Variants in SSTR3 observed in about 807,000 individuals in gnomAD.
SSTR3 encodes the protein somatostatin receptor 3.
For synonymous variants in SSTR3, 281 were observed against 269.2 expected (o/e 1.04, Z -0.43); for missense variants, 504 against 604.7 (o/e 0.83, Z 1.75).
In SSTR3 at chr22:37,204,555, G is replaced by A. The variant is rs909451206; in HGVS notation, c.*1992C>T. The stretch of plus-strand genomic sequence containing the variant: ...CCTGCCTCCCTAACCCTTGGCCTCT[G>A]ACCCCCCAACTGCCCATTTCTCATG... On this transcript the variant is annotated 3_prime_UTR_variant, in exon 2 of 2. Transcript: ENST00000610913. 2.0e-5 allele frequency: 3 copies of A among 152,404 alleles called. No homozygotes were observed. Among genetic ancestry groups the A allele is most frequent in the Admixed American group, 2.0e-4 (3 of 15,302 alleles). 9.4% of individuals were successfully genotyped at this position (152,404 alleles called of 1,614,324 possible). A position where few individuals can be genotyped will look rare whatever the true frequency, so the allele number is the denominator to read the frequency against.
At chr22:37,211,734 C>G (rs1926203147) in intron 1 of SSTR3, 91 bp downstream of exon 1, 6 of 985,198 alleles carry the variant, frequency 6.1e-6, no homozygotes, top group Non-Finnish European at 6.0e-6. Flanking sequence ...CTCTGCCTCC[C>G]CAGCCCCAGC....
chr22:37,211,708 C>T (rs751137859), intron 1 of SSTR3, 117 bp downstream of exon 1: 157 of 976,994 alleles, frequency 1.6e-4, no homozygotes, highest in Non-Finnish European at 1.9e-4. Context: ...CTCCTGCCTC[C>T]CTGGGAGTCC....
At chr22:37,209,242 A>G (rs1926045625) in intron 1 of SSTR3, among the ~76,000 whole-genome samples, 2 of 152,016 alleles carry the variant, frequency 1.3e-5, no homozygotes, top group South Asian at 4.2e-4. Flanking sequence ...GGCACCCCAA[A>G]TCCAAACAAA....
At chr22:37,213,048 T>G (rs958235319), upstream of SSTR3, among the ~76,000 whole-genome samples, 2 of 152,194 alleles carry the variant, frequency 1.3e-5, no homozygotes, top group African/African-American at 2.4e-5. Flanking sequence ...GTAATGTAGG[T>G]CCACTCATGA....
Position 37,210,327 on chromosome 22 carries a change from G to A in SSTR3, c.-37+1498C>T, listed in dbSNP as rs138872599. On this transcript the variant is annotated intron_variant, in intron 1 of 1. Coordinates refer to ENST00000610913, the MANE Select transcript of SSTR3 (RefSeq NM_001051.5). ...AGCACATGTCTGTGCACCCACAAGC[G>A]CATGCGCTGACACACACATGGTCCT... Among the ~76,000 whole-genome samples, 900 of 151,148 alleles carry A rather than the reference G, an allele frequency of 6.0e-3. 7 individuals carry two copies. Among genetic ancestry groups the A allele is most frequent in the African/African-American group, 0.02 (823 of 40,408 alleles).
upstream of SSTR3, among the ~76,000 whole-genome samples, chr22:37,213,771 G>A (rs1185597763): frequency 6.6e-6 from 1 of 152,282 alleles, no homozygotes; most frequent in Non-Finnish European, 1.5e-5. Context: ...ACTGCCCTCA[G>A]AATAAAGCTC....
chr22:37,218,236 T>C, the SSTR3 span, among the ~76,000 whole-genome samples: 9 of 152,182 alleles, frequency 5.9e-5, no homozygotes, highest in Admixed American at 2.6e-4. Flanking sequence ...CAACCAGTCA[T>C]CCTGTGTTAG....
upstream of SSTR3, among the ~76,000 whole-genome samples, chr22:37,217,269 C>T (rs13053175): frequency 0.33 from 49,791 of 152,118 alleles, 8,910 homozygotes; most frequent in Non-Finnish European, 0.42. Context: ...TCGGTGTCTC[C>T]AGCTTCCAGC....
chr22:37,215,743 G>T, upstream of SSTR3: 1 of 264,716 alleles, frequency 3.8e-6, no homozygotes, highest in South Asian at 4.4e-5. Flanking sequence ...ATTCCTTATA[G>T]ACCCAGCTTG....
In SSTR3 at chr22:37,206,305, C is replaced by T. The variant is rs1925732917; in HGVS notation, c.*242G>A. 5.3e-6 allele frequency: 3 copies of T among 569,258 alleles called. No homozygotes were observed. Among genetic ancestry groups the T allele is most frequent in the Admixed American group, 3.7e-5 (1 of 26,892 alleles). 35.3% of individuals were successfully genotyped at this position (569,258 alleles called of 1,614,324 possible). On this transcript the variant is annotated 3_prime_UTR_variant, in exon 2 of 2. Transcript: ENST00000610913. The stretch of plus-strand genomic sequence containing the variant: ...AGCCCAGCAACAGTGCCCTCCAAAC[C>T]TCTCATCTGACATAGCTCATCCAGG...
chr22:37,218,867 G>A, the SSTR3 span, among the ~76,000 whole-genome samples: 1 of 152,092 alleles, frequency 6.6e-6, no homozygotes, highest in African/African-American at 2.4e-5. Flanking sequence ...CCTGTTTTCA[G>A]CCTCCTGCCT....
upstream of SSTR3, among the ~76,000 whole-genome samples, chr22:37,216,574 G>C (rs5756567): frequency 6.6e-6 from 1 of 152,200 alleles, no homozygotes; most frequent in Admixed American, 6.5e-5. Flanking sequence ...GGAGTTTCCA[G>C]AGTCCAGCCT....
chr22:37,206,942 C>G lies in SSTR3; in HGVS notation c.862G>C (p.Glu288Gln), dbSNP rs1055168952. The G allele has an allele frequency of 6.2e-7, 1 of 1,613,440 alleles. No individual in the cohort carries two copies. Among genetic ancestry groups the G allele is most frequent in the Non-Finnish European group, 8.5e-7 (1 of 1,180,016 alleles). The change falls in exon 2 of 2, where the codon GAG (glutamate) becomes CAG (glutamine). Residue 288 changes from glutamate to glutamine, a missense_variant. Glu to Gln is a conservative substitution (Grantham distance 29, BLOSUM62 2). Transcript: ENST00000610913. The stretch of plus-strand genomic sequence containing the variant: ...AAGTAGAGCCCAAAGAAGGCAGGCT[C>G]CTCGGGCAGTGGGCACACCACGTTG... ...IVNVVCPLPE[E>Q]PAFFGLYFLV...
rs770022714 is a variant in SSTR3, at chr22:37,207,686, G to A, written c.118C>T (p.Leu40=). The change falls in exon 2 of 2, where the codon CTG becomes TTG. Residue 40 remains leucine, a synonymous_variant. Coordinates refer to ENST00000610913, the MANE Select transcript of SSTR3 (RefSeq NM_001051.5). ...NVSAGPSPAG[L]AVSGVLIPLV... is the part of the protein sequence containing the mutation. ...GGGATCAGAACGCCACTGACGGCCA[G>A]CCCTGCCGGGCTTGGGCCCGCCGAC... 1.1e-5 allele frequency: 17 copies of A among 1,563,622 alleles called. No homozygotes were observed. Among genetic ancestry groups the A allele is most frequent in the Non-Finnish European group, 1.5e-5 (17 of 1,151,614 alleles).
In SSTR3 at chr22:37,212,095, G is replaced by A. The variant is rs1926226141; in HGVS notation, c.-307C>T. On this transcript the variant is annotated 5_prime_UTR_variant, in exon 1 of 2. Coordinates refer to ENST00000610913, the MANE Select transcript of SSTR3 (RefSeq NM_001051.5). ...CATCTCCAGGACACATCCTGGGGGGGCAGGGGCAAGGATAGGGGGGAGAAG... is the reference window on the plus strand; with the variant it reads ...CATCTCCAGGACACATCCTGGGGGGACAGGGGCAAGGATAGGGGGGAGAAG... The A allele has an allele frequency of 3.0e-6, 3 of 985,638 alleles. 1 individual carries two copies. Among genetic ancestry groups the A allele is most frequent in the Middle Eastern group, 1.0e-3 (2 of 1,914 alleles). 61.1% of individuals were successfully genotyped at this position (985,638 alleles called of 1,614,324 possible). A position where few individuals can be genotyped will look rare whatever the true frequency, so the allele number is the denominator to read the frequency against.
At chr22:37,219,148 G>A in the SSTR3 span, among the ~76,000 whole-genome samples, 2 of 152,186 alleles carry the variant, frequency 1.3e-5, no homozygotes, top group East Asian at 1.9e-4. Flanking sequence ...CCTTCTTGTC[G>A]TGGCTGCTTT....
At chr22:37,216,936 G>A (rs754699917), upstream of SSTR3, among the ~76,000 whole-genome samples, 1 of 152,152 alleles carries the variant, frequency 6.6e-6, no homozygotes, top group Non-Finnish European at 1.5e-5. Context: ...GAGTAGCTGG[G>A]ACTACAGGTG....
At chr22:37,208,017 G>A (rs1925958257) in intron 1 of SSTR3, among the ~76,000 whole-genome samples, 178 bp from the exon 2 acceptor site, 2 of 152,308 alleles carry the variant, frequency 1.3e-5, no homozygotes, top group South Asian at 4.1e-4. Flanking sequence ...AGCCCCGCAA[G>A]GCTGAGTCGT....
rs564538655 is a variant in SSTR3, at chr22:37,207,537, G to A, written c.267C>T (p.Ala89=). Residue 89 remains alanine (A), a synonymous_variant, in exon 2 of 2, where the codon GCC becomes GCT. Coordinates refer to ENST00000610913, the MANE Select transcript of SSTR3 (RefSeq NM_001051.5). ...TNVYILNLAL[A]DELFMLGLPF... ...GCAGCCCCAGCATGAAGAGCTCGTCGGCCAGCGCCAGGTTGAGGATGTAGA... is the reference window on the plus strand; with the variant it reads ...GCAGCCCCAGCATGAAGAGCTCGTCAGCCAGCGCCAGGTTGAGGATGTAGA... The A allele has an allele frequency of 4.2e-5, 68 of 1,613,674 alleles. No individual in the cohort carries two copies. The South Asian group carries it at 4.9e-4, about 12-fold the overall frequency.
Sources: allele counts gnomAD v4.1 joint callset (sites outside exome capture counted in the v4.1 genomes callset), GRCh38; gene constraint gnomAD v4.1.1; transcripts MANE v1.5; gene names NCBI Gene and HGNC (gene_info 2026-07-23, HGNC 2026-07-21).